The following USP6 variants were observed in gnomAD, a reference collection of about 807,000 sequenced individuals.
The protein encoded by USP6 is ubiquitin carboxyl-terminal hydrolase 6.
A neutral mutation model predicts 175.7 loss-of-function variants in USP6; 128 were observed. That is an observed-to-expected ratio of 0.73 (90% CI 0.63 to 0.84). The LOEUF (loss-of-function observed/expected upper bound fraction) is 0.84, where lower values mean the gene tolerates loss of function less well. Among genes scored for constraint, USP6 ranks in the 40% least tolerant of loss-of-function variants. USP6 has a pLI of 0.00. For missense variants in USP6, 1,498 were observed against 1,760.3 expected, an observed-to-expected ratio of 0.85 and a Z score of 2.67; for synonymous variants, 562 against 630.6, an observed-to-expected ratio of 0.89 and a Z score of 1.63.
rs2074262332 is a variant in USP6 at position 5,173,085 on chromosome 17, A to G, written c.*107A>G. On this transcript the variant is annotated 3_prime_UTR_variant, in exon 38 of 38. Coordinates refer to ENST00000574788, the MANE Select transcript of USP6 (RefSeq NM_001304284.2). The stretch of plus-strand genomic sequence containing the variant: ...AAGACAAGCTAAATGTAGTTATTTT[A>G]TCCTGTTAGAACAAAAATTCTAATT... 7.3e-7 allele frequency: 1 copy of G among 1,367,760 alleles called. No individual in the cohort carries two copies. 84.7% of individuals were successfully genotyped at this position (1,367,760 alleles called of 1,614,324 possible).
Position 5,139,433 on chromosome 17 carries a change from T to C in USP6, c.1257T>C (p.Ala419=), listed in dbSNP as rs2143930040. 6.2e-7 allele frequency: 1 copy of C among 1,613,120 alleles called. No individual in the cohort carries two copies. The highest frequency in any genetic ancestry group is 8.5e-7 in the Non-Finnish European group (1 of 1,180,022). The part of the protein sequence containing the change: ...SRFSTPCPGG[A]VREDTYPVGT... ...TTTCCACGCCCTGTCCTGGTGGGGC[T>C]GTCCGGGAAGACACGTACCCTGTGG... The change falls in exon 22 of 38, where the codon GCT becomes GCC. Residue 419 remains alanine (A), a synonymous_variant. Transcript: ENST00000574788.
chr17:5,171,554 AC>A, intron 36 of USP6, 32 bp from the exon 37 acceptor site: 1 of 1,607,798 alleles, frequency 6.2e-7, no homozygotes, highest in Non-Finnish European at 8.5e-7. Context: ...ACAGTTAACT[AC>A]TAACATACCT....
Position 5,135,292 on chromosome 17 carries a change from C to T in USP6, c.543+10C>T. 1 of 1,612,386 alleles carries T rather than the reference C, an allele frequency of 6.2e-7. No homozygotes were observed. Among genetic ancestry groups the T allele is most frequent in the Non-Finnish European group, 8.5e-7 (1 of 1,178,792 alleles). The stretch of plus-strand genomic sequence containing the variant: ...TTCGGAGTATAACCCGGTGAGTATT[C>T]CCGGCAGTGAGGTTCCCAGGCTGTA... On this transcript the variant is annotated intron_variant, in intron 16 of 37. Coordinates refer to ENST00000574788, the MANE Select transcript of USP6 (RefSeq NM_001304284.2).
chr17:5,124,206 G>T (rs1411265129), intron 4 of USP6, among the ~76,000 whole-genome samples: 4 of 152,144 alleles, frequency 2.6e-5, no homozygotes, highest in African/African-American at 9.7e-5. Context: ...CCCTCACTTG[G>T]TCAGTGAGTG....
At chr17:5,164,908 T>C (rs1159934146) in intron 33 of USP6, among the ~76,000 whole-genome samples, 1 of 152,244 alleles carries the variant, frequency 6.6e-6, no homozygotes, top group African/African-American at 2.4e-5. Context: ...GCAAATATCA[T>C]CATAGCATTT....
chr17:5,164,292 G>A (rs1050389680), intron 33 of USP6, among the ~76,000 whole-genome samples: 3 of 152,134 alleles, frequency 2.0e-5, no homozygotes, highest in African/African-American at 7.2e-5. Context: ...CCCACACACC[G>A]AGGTTCCTGG....
At chr17:5,123,928 C>CAT (rs1567769964) in intron 4 of USP6, among the ~76,000 whole-genome samples, 1 of 152,096 alleles carries the variant, frequency 6.6e-6, no homozygotes, top group African/African-American at 2.4e-5. Context: ...CGCACACACA[C>CAT]ACACACACAC....
rs1400607261 is a variant in USP6 at position 5,172,595 on chromosome 17, A to C, written c.4048-210A>C. 2.0e-5 allele frequency among the ~76,000 whole-genome samples: 3 copies of C among 152,192 alleles called. No homozygotes were observed. The East Asian group carries it at 5.8e-4, about 29-fold the overall frequency. Reference sequence around the variant, plus strand: ...TGGGGTTTTAGGTCATTCTGTTTTGACTTGTCTATGGTCAAAATATTTTCC... The same window carrying C: ...TGGGGTTTTAGGTCATTCTGTTTTGCCTTGTCTATGGTCAAAATATTTTCC... On this transcript the variant is annotated intron_variant, in intron 37 of 37. Coordinates refer to ENST00000574788, the MANE Select transcript of USP6 (RefSeq NM_001304284.2).
intron 4 of USP6, chr17:5,123,166 G>T (rs1194559522): frequency 6.5e-6 from 1 of 152,978 alleles, no homozygotes; most frequent in Non-Finnish European, 1.5e-5. Context: ...GCGCGCGGGG[G>T]CGTCATGGGG....
In USP6 at chr17:5,138,206, C is replaced by T. The variant is rs771392278; in HGVS notation, c.1011C>T (p.Thr337=). ...ATACCTGGGCCATGAACGATGACAC[C>T]GTGCTCAAGCATCTTAGGGCCTCTA... ...FFDTWAMNDD[T]VLKHLRASTK... is the part of the protein sequence containing the mutation. The change falls in exon 21 of 38, where the codon ACC becomes ACT. Residue 337 remains threonine, a synonymous_variant. Transcript: ENST00000574788. 1.8e-5 allele frequency: 29 copies of T among 1,613,940 alleles called. No homozygotes were observed. The highest frequency in any genetic ancestry group is 1.6e-4 in the Middle Eastern group (1 of 6,084).
At chr17:5,140,182 A>T (rs1332528866) in intron 22 of USP6, among the ~76,000 whole-genome samples, 1 of 152,180 alleles carries the variant, frequency 6.6e-6, no homozygotes, top group African/African-American at 2.4e-5. Context: ...GATTTTAGAT[A>T]TACAGAAATA....
chr17:5,145,619 A>C, intron 27 of USP6, 40 bp downstream of exon 27: 3 of 1,528,944 alleles, frequency 2.0e-6, no homozygotes, highest in East Asian at 2.4e-5. Context: ...GATTCCATTA[A>C]ATTTACTTTA....
At chr17:5,153,316 C>T (rs1018015397) in intron 30 of USP6, among the ~76,000 whole-genome samples, 2 of 152,134 alleles carry the variant, frequency 1.3e-5, no homozygotes, top group South Asian at 2.1e-4. Context: ...AATGGAGTTT[C>T]GCTCTTGTTG....
In USP6 at chr17:5,168,876, G is replaced by A. The variant is rs147851226; in HGVS notation, c.3338G>A (p.Arg1113Gln). ...SFDPSAFLVP[R>Q]DPALCQHKPL... ...GATCCGAGTGCTTTTTTGGTACCACGAGACCCGGCCCTCTGCCAGCATAAA... is the reference window on the plus strand; with the variant it reads ...GATCCGAGTGCTTTTTTGGTACCACAAGACCCGGCCCTCTGCCAGCATAAA... The change falls in exon 35 of 38, where the codon CGA (arginine) becomes CAA (glutamine). Residue 1113 changes from arginine (R) to glutamine (Q), a missense_variant. By Grantham distance (43) the Arg-to-Gln change is conservative. Coordinates refer to ENST00000574788, the MANE Select transcript of USP6 (RefSeq NM_001304284.2). The A allele has an allele frequency of 1.2e-5, 20 of 1,613,336 alleles. No homozygotes were observed. The highest frequency in any genetic ancestry group is 1.2e-4 in the African/African-American group (9 of 74,870).
Position 5,130,452 on chromosome 17 carries a change from C to T in USP6, c.72+13C>T. On this transcript the variant is annotated intron_variant, in intron 10 of 37. Transcript: ENST00000574788. The stretch of plus-strand genomic sequence containing the variant: ...GAAGTATGACAAGGTACAGTTCGGT[C>T]TGCTCCTTGGAGGGAGGCCTCTTCC... The T allele has an allele frequency of 2.5e-6, 4 of 1,614,110 alleles. No homozygotes were observed. Among genetic ancestry groups the T allele is most frequent in the Non-Finnish European group, 3.4e-6 (4 of 1,179,988 alleles).
At chr17:5,130,826 C>T in intron 11 of USP6, 142 bp downstream of exon 11, 15 of 1,212,258 alleles carry the variant, frequency 1.2e-5, no homozygotes, top group Non-Finnish European at 1.8e-5. Context: ...GAACTCCTCC[C>T]TGGCTCCCCT....
At chr17:5,120,503 C>T in intron 2 of USP6, 124 bp from the exon 3 acceptor site, 6 of 326,978 alleles carry the variant, frequency 1.8e-5, no homozygotes, top group South Asian at 1.6e-4. Flanking sequence ...AGCTGTTGGC[C>T]TATCTGTGTC....
Position 5,121,511 on chromosome 17 carries a change from C to A in USP6, c.-1538C>A, listed in dbSNP as rs186002867. 110 of 212,314 alleles carry A rather than the reference C, an allele frequency of 5.2e-4. No homozygotes were observed. Among genetic ancestry groups the A allele is most frequent in the Admixed American group, 1.2e-3 (23 of 18,748 alleles). 13.2% of individuals were successfully genotyped at this position (212,314 alleles called of 1,614,324 possible). On this transcript the variant is annotated 5_prime_UTR_variant, in exon 4 of 38. Transcript: ENST00000574788. ...CAAGGTAGGGCCTCTGTCCCCTCCCCACCCTGTACCTATCACCCCAGGGTG... is the reference window on the plus strand; with the variant it reads ...CAAGGTAGGGCCTCTGTCCCCTCCCAACCCTGTACCTATCACCCCAGGGTG...
intron 17 of USP6, among the ~76,000 whole-genome samples, chr17:5,136,358 A>C (rs988652507): frequency 6.6e-6 from 1 of 152,202 alleles, no homozygotes; most frequent in Non-Finnish European, 1.5e-5. Context: ...ATGACCAGGA[A>C]GCTCAGCACC....
Sources: allele counts gnomAD v4.1 joint callset (sites outside exome capture counted in the v4.1 genomes callset), GRCh38; gene constraint gnomAD v4.1.1; transcripts MANE v1.5; gene names NCBI Gene and HGNC (gene_info 2026-07-23, HGNC 2026-07-21).